The following CMIP variants were observed in gnomAD, a reference collection of about 807,000 sequenced individuals.
The protein encoded by CMIP is c-Maf inducing protein.
A neutral mutation model predicts 97.3 loss-of-function variants in CMIP; 13 were observed. The ratio of observed to expected loss-of-function variants is 0.13; its 90% CI spans 0.09 to 0.21. The LOEUF is 0.21. Among genes scored for constraint, CMIP ranks in the 10% least tolerant of loss-of-function variants. The pLI is 1.00. For synonymous variants in CMIP, 538 were observed against 436.3 expected (o/e 1.23, Z -2.91); for missense variants, 847 against 1,024.9 (o/e 0.83, Z 2.37).
At chr16:81,563,077 A>G (rs889806901) in intron 1 of CMIP, among the ~76,000 whole-genome samples, 5 of 152,234 alleles carry the variant, frequency 3.3e-5, no homozygotes, top group Non-Finnish European at 7.3e-5. Flanking sequence ...CCGCCAGAGG[A>G]AAAACCATCT....
At chr16:81,706,893 C>G in intron 19 of CMIP, 121 bp from the exon 20 acceptor site, 2 of 797,786 alleles carry the variant, frequency 2.5e-6, no homozygotes. Flanking sequence ...ACCTCCCTCC[C>G]CAGCCCCATC....
At chr16:81,491,156 C>T (rs1567541716) in intron 1 of CMIP, among the ~76,000 whole-genome samples, 1 of 152,174 alleles carries the variant, frequency 6.6e-6, no homozygotes, top group Non-Finnish European at 1.5e-5. Context: ...CAGGCATTAT[C>T]CTCGTGAGGG....
intron 14 of CMIP, 68 bp from the exon 15 acceptor site, chr16:81,699,617 C>A: frequency 9.6e-7 from 1 of 1,039,456 alleles, no homozygotes; most frequent in Non-Finnish European, 1.5e-6. Context: ...GGGCTCACTT[C>A]CTGCCAGCAC....
chr16:81,536,243 T>C (rs1193275494), intron 1 of CMIP, among the ~76,000 whole-genome samples: 1 of 152,152 alleles, frequency 6.6e-6, no homozygotes, highest in South Asian at 2.1e-4. Context: ...CTGGAACTTG[T>C]TGTGAGGATG....
chr16:81,649,058 T>A (rs1452667963), intron 3 of CMIP, among the ~76,000 whole-genome samples: 1 of 152,216 alleles, frequency 6.6e-6, no homozygotes, highest in Non-Finnish European at 1.5e-5. Context: ...GTAAGCCATT[T>A]GCACTCAGTC....
At chr16:81,458,180 T>C (rs1195890919) in intron 1 of CMIP, among the ~76,000 whole-genome samples, 1 of 152,152 alleles carries the variant, frequency 6.6e-6, no homozygotes, top group East Asian at 1.9e-4. Context: ...GGACCCTGGC[T>C]TCTCACCTCT....
intron 1 of CMIP, among the ~76,000 whole-genome samples, chr16:81,573,496 C>T (rs1010977857): frequency 1.3e-5 from 2 of 152,072 alleles, no homozygotes; most frequent in African/African-American, 4.8e-5. Context: ...GGAATTCCAC[C>T]TTTGGCCTGG....
intron 1 of CMIP, chr16:81,495,228 G>A: frequency 8.6e-7 from 1 of 1,165,032 alleles, no homozygotes; most frequent in Non-Finnish European, 1.1e-6. Flanking sequence ...GGGTTTCTCA[G>A]TGAAACAGAC....
At chr16:81,637,251 T>C (rs1000739695) in intron 3 of CMIP, among the ~76,000 whole-genome samples, 3 of 152,172 alleles carry the variant, frequency 2.0e-5, no homozygotes, top group African/African-American at 7.2e-5. Flanking sequence ...TTTTGTATTT[T>C]TAGTAGAGAC....
chr16:81,507,610 C>T (rs561088168), intron 1 of CMIP, among the ~76,000 whole-genome samples: 103 of 152,210 alleles, frequency 6.8e-4, no homozygotes, highest in African/African-American at 2.4e-3. Context: ...CCACTTTAGA[C>T]AATTTGGTGA....
intron 15 of CMIP, chr16:81,700,512 A>C (rs1292253783): frequency 6.6e-6 from 1 of 152,504 alleles, no homozygotes; most frequent in Non-Finnish European, 1.5e-5. Context: ...CTTGGAAGGC[A>C]GGCGGCATCA....
chr16:81,508,703 C>T (rs1434480628), intron 1 of CMIP, among the ~76,000 whole-genome samples: 2 of 152,232 alleles, frequency 1.3e-5, no homozygotes, highest in African/African-American at 4.8e-5. Flanking sequence ...TCAGCACTCT[C>T]CATCAGTCTG....
chr16:81,683,341 G>C (rs1303936721), intron 10 of CMIP, among the ~76,000 whole-genome samples: 3 of 152,222 alleles, frequency 2.0e-5, no homozygotes, highest in African/African-American at 7.2e-5. Context: ...GTGGGCTGCA[G>C]CTCAGCTGGA....
intron 9 of CMIP, among the ~76,000 whole-genome samples, chr16:81,673,341 C>A (rs923339966): frequency 2.6e-5 from 4 of 152,056 alleles, no homozygotes; most frequent in African/African-American, 9.7e-5. Flanking sequence ...CATAGTGAAA[C>A]CCCGTCTCTA....
At chr16:81,670,622 G>A (rs1255415670) in intron 8 of CMIP, among the ~76,000 whole-genome samples, 518 of 12,050 alleles carry the variant, frequency 0.043, 1 homozygote, top group African/African-American at 0.17. Flanking sequence ...GTTTTTTTTG[G>A]GGGGGGGGGG....
At chr16:81,565,357 G>A (rs1331706551) in intron 1 of CMIP, among the ~76,000 whole-genome samples, 1 of 152,182 alleles carries the variant, frequency 6.6e-6, no homozygotes, top group Admixed American at 6.5e-5. Context: ...CCCAACTCCA[G>A]GAGTTGTTGG....
intron 1 of CMIP, among the ~76,000 whole-genome samples, chr16:81,496,426 C>A (rs2089492749): frequency 1.3e-5 from 2 of 152,146 alleles, no homozygotes; most frequent in Admixed American, 1.3e-4. Context: ...GAGTTAATTG[C>A]TTCTCAACCC....
chr16:81,671,825 T>C lies in CMIP; in HGVS notation c.930-141T>C, dbSNP rs2092685787. On this transcript the variant is annotated intron_variant, in intron 8 of 20. Coordinates refer to ENST00000537098, the MANE Select transcript of CMIP (RefSeq NM_198390.3). ...AATCCTGGTGCCACCAATTGCACAG[T>C]GAAGGCTCTCAGAGCCCCCCAAGTG... 3 of 567,698 alleles carry C rather than the reference T, an allele frequency of 5.3e-6. No homozygotes were observed. In the Admixed American group the frequency reaches 9.1e-5, roughly 17 times the overall value. 35.2% of individuals were successfully genotyped at this position (567,698 alleles called of 1,614,324 possible). A position where few individuals can be genotyped will look rare whatever the true frequency, so the allele number is the denominator to read the frequency against.
chr16:81,546,839 C>G (rs994045937), intron 1 of CMIP, among the ~76,000 whole-genome samples: 2 of 152,122 alleles, frequency 1.3e-5, no homozygotes, highest in African/African-American at 4.8e-5. Context: ...AAAATTAGAC[C>G]AAAGTAAAAA....
Sources: gnomAD v4.1 joint callset for allele counts (sites outside exome capture counted in the v4.1 genomes callset) on GRCh38, gnomAD v4.1.1 for gene constraint, MANE v1.5 for transcripts, NCBI Gene and HGNC (gene_info 2026-07-23, HGNC 2026-07-21) for gene names.